PRKG1: variants seen among roughly 807,000 people sequenced by gnomAD.
PRKG1 encodes the protein cGMP-dependent protein kinase 1.
In PRKG1, 35 loss-of-function variants were observed where a neutral mutation model predicts 88.1. The ratio of observed to expected loss-of-function variants is 0.40; its 90% CI spans 0.30 to 0.53. The LOEUF (loss-of-function observed/expected upper bound fraction) is 0.53, where lower values mean the gene tolerates loss of function less well. Among genes scored for constraint, PRKG1 ranks in the 20% least tolerant of loss-of-function variants. PRKG1 has a pLI of 0.59. For missense variants in PRKG1, 540 were observed against 839.8 expected (o/e 0.64, Z 4.41); for synonymous variants, 303 against 292.5 (o/e 1.04, Z -0.37).
intron 2 of PRKG1, among the ~76,000 whole-genome samples, chr10:51,196,818 G>A (rs1416061534): frequency 6.6e-6 from 1 of 152,172 alleles, no homozygotes; most frequent in African/African-American, 2.4e-5. Context: ...GCCACTTTCT[G>A]CAGATGAAAT....
chr10:51,419,806 T>G (rs1225900140), intron 2 of PRKG1, among the ~76,000 whole-genome samples: 2 of 146,994 alleles, frequency 1.4e-5, no homozygotes, highest in Non-Finnish European at 3.0e-5. Flanking sequence ...AGCCAATAAT[T>G]TTTTTTTTTT....
chr10:51,463,663 A>G (rs748514868), intron 2 of PRKG1, among the ~76,000 whole-genome samples: 1 of 152,222 alleles, frequency 6.6e-6, no homozygotes, highest in Non-Finnish European at 1.5e-5. Flanking sequence ...CCACACATTT[A>G]TACTTGGAAA....
intron 2 of PRKG1, among the ~76,000 whole-genome samples, chr10:51,385,670 A>G (rs1837231871): frequency 6.6e-6 from 1 of 152,172 alleles, no homozygotes; most frequent in African/African-American, 2.4e-5. Context: ...GATTGGCCCC[A>G]AACAAACCAG....
intron 1 of PRKG1, chr10:51,148,195 A>T: frequency 1.0e-6 from 1 of 972,608 alleles, no homozygotes; most frequent in South Asian, 4.8e-5. Context: ...AGAGCTGTGG[A>T]CTGTCATGTC....
intron 9 of PRKG1, among the ~76,000 whole-genome samples, chr10:52,241,395 T>C (rs775262692): frequency 4.6e-5 from 7 of 152,188 alleles, no homozygotes; most frequent in Non-Finnish European, 1.0e-4. Context: ...TTCGTAGACA[T>C]GTCCAATGCA....
intron 3 of PRKG1, among the ~76,000 whole-genome samples, chr10:51,734,124 A>T (rs955396583): frequency 6.6e-6 from 1 of 152,178 alleles, no homozygotes; most frequent in African/African-American, 2.4e-5. Context: ...AAACCTAAAA[A>T]TTACCAATAT....
chr10:51,610,222 A>G (rs1008042771), intron 3 of PRKG1, among the ~76,000 whole-genome samples: 11 of 152,142 alleles, frequency 7.2e-5, no homozygotes, highest in Admixed American at 7.2e-4. Context: ...ATCAAAGAAG[A>G]GCTTATTCCT....
chr10:51,477,945 A>G (rs1475058335), intron 3 of PRKG1, among the ~76,000 whole-genome samples: 1 of 152,012 alleles, frequency 6.6e-6, no homozygotes, highest in Non-Finnish European at 1.5e-5. Flanking sequence ...AAACCAAACT[A>G]CAGGTAAGGA....
At chr10:51,541,751 AT>A (rs1406418488) in intron 3 of PRKG1, among the ~76,000 whole-genome samples, 2 of 150,964 alleles carry the variant, frequency 1.3e-5, no homozygotes, top group East Asian at 1.9e-4. Flanking sequence ...AAAACAAACT[AT>A]TTTTTTGTAG....
intron 7 of PRKG1, among the ~76,000 whole-genome samples, chr10:52,068,896 C>T (rs528715232): frequency 2.0e-5 from 3 of 152,232 alleles, no homozygotes; most frequent in South Asian, 4.1e-4. Context: ...GAGAGTTGGC[C>T]CTTTTCCACC....
intron 2 of PRKG1, among the ~76,000 whole-genome samples, chr10:51,345,845 T>C (rs561412108): frequency 6.6e-6 from 1 of 152,340 alleles, no homozygotes; most frequent in East Asian, 1.9e-4. Flanking sequence ...AAGGCCATGC[T>C]ACGGGATGAT....
intron 2 of PRKG1, among the ~76,000 whole-genome samples, chr10:51,443,207 C>G (rs2132752466): frequency 6.9e-6 from 1 of 144,066 alleles, no homozygotes; most frequent in East Asian, 1.9e-4. Flanking sequence ...CAGGCCAAAT[C>G]TGGCTCTCAG....
At chr10:51,513,216 C>T (rs915201620) in intron 3 of PRKG1, among the ~76,000 whole-genome samples, 1 of 146,596 alleles carries the variant, frequency 6.8e-6, no homozygotes, top group Non-Finnish European at 1.5e-5. Context: ...ATAAAACAGA[C>T]TTTAAACCAA....
At chr10:52,212,081 T>A (rs1025113121) in intron 9 of PRKG1, among the ~76,000 whole-genome samples, 1 of 152,080 alleles carries the variant, frequency 6.6e-6, no homozygotes, top group African/African-American at 2.4e-5. Context: ...GACTTGCAAA[T>A]CGGGCACCCC....
chr10:51,765,114 G>T (rs1454187337), intron 3 of PRKG1, among the ~76,000 whole-genome samples: 5 of 152,172 alleles, frequency 3.3e-5, no homozygotes, highest in Non-Finnish European at 2.9e-5. Flanking sequence ...GGAAGATGGG[G>T]AGCACAGCTA....
In PRKG1 at chr10:52,294,869, C is replaced by CTATGTA. The variant is rs1246672119; in HGVS notation, c.*973_*978dup. The CTATGTA allele has an allele frequency of 6.6e-6, 1 of 152,396 alleles. No individual in the cohort carries two copies. The highest frequency in any genetic ancestry group is 1.5e-5 in the Non-Finnish European group (1 of 67,982). 9.4% of individuals were successfully genotyped at this position (152,396 alleles called of 1,614,324 possible). On this transcript the variant is annotated 3_prime_UTR_variant, in exon 18 of 18. Transcript: ENST00000373980. ...AAAATAAATAAAAACTATATAGGTG[C>CTATGTA]TATGTATATCTTTCATCTGTAAATG... is the stretch of plus-strand genomic sequence containing the variant.
At chr10:52,126,027 G>A (rs1372075165) in intron 7 of PRKG1, 2 of 152,110 alleles carry the variant, frequency 1.3e-5, no homozygotes, top group Non-Finnish European at 2.9e-5. Flanking sequence ...ACAGAGTAAG[G>A]CTTAATTAAG....
At chr10:52,286,540 T>C (rs1842120184) in intron 14 of PRKG1, among the ~76,000 whole-genome samples, 1 of 152,046 alleles carries the variant, frequency 6.6e-6, no homozygotes, top group African/African-American at 2.4e-5. Context: ...ATTTGGGTAA[T>C]TGAACAGAAT....
chr10:51,324,087 T>A (rs572859045), intron 2 of PRKG1, among the ~76,000 whole-genome samples: 2 of 152,356 alleles, frequency 1.3e-5, no homozygotes, highest in South Asian at 4.1e-4. Flanking sequence ...AACATTTATT[T>A]TTTCTTTGTG....
Sources: allele counts gnomAD v4.1 joint callset (sites outside exome capture counted in the v4.1 genomes callset), GRCh38; gene constraint gnomAD v4.1.1; transcripts MANE v1.5; gene names NCBI Gene and HGNC (gene_info 2026-07-23, HGNC 2026-07-21).